Variants in HMGN3 observed in about 807,000 individuals in gnomAD.
The protein encoded by HMGN3 is high mobility group nucleosomal binding domain 3.
In HMGN3, 6 loss-of-function variants were observed where a neutral mutation model predicts 18.8. The observed-to-expected ratio is 0.32, with a 90% CI of 0.18 to 0.63. The LOEUF is 0.63. Among genes scored for constraint, HMGN3 ranks in the 30% least tolerant of loss-of-function variants. The pLI is 0.79. For synonymous variants in HMGN3, 40 were observed against 36.5 expected (o/e 1.10, Z -0.35); for missense variants, 107 against 114.2 (o/e 0.94, Z 0.29).
chr6:79,234,602 G>A, exon 1 of HMGN3: 1 of 1,606,404 alleles, frequency 6.2e-7, no homozygotes, highest in Non-Finnish European at 8.5e-7. Context: ...CAACGGACTG[G>A]AACTGCTGGC....
At chr6:79,222,229 T>C (rs1220407670) in intron 1 of HMGN3, among the ~76,000 whole-genome samples, 2 of 152,208 alleles carry the variant, frequency 1.3e-5, no homozygotes, top group African/African-American at 4.8e-5. Context: ...CTTTTTCTAA[T>C]TTGCTGGCCA....
chr6:79,233,348 A>G (rs927113478), intron 1 of HMGN3, among the ~76,000 whole-genome samples: 2 of 152,216 alleles, frequency 1.3e-5, no homozygotes, highest in African/African-American at 4.8e-5. Context: ...TTTCTACCCA[A>G]TTTTTAGTAA....
At chr6:79,222,214 A>G (rs1317114028) in intron 1 of HMGN3, among the ~76,000 whole-genome samples, 1 of 152,192 alleles carries the variant, frequency 6.6e-6, no homozygotes, top group Non-Finnish European at 1.5e-5. Context: ...TTACATTGAG[A>G]TAATCTTTTT....
chr6:79,216,627 C>T (rs1056996723), intron 1 of HMGN3, among the ~76,000 whole-genome samples: 1 of 152,190 alleles, frequency 6.6e-6, no homozygotes, highest in African/African-American at 2.4e-5. Flanking sequence ...GTGGAACCTT[C>T]TCAATTATGA....
At chr6:79,219,174 T>C (rs1052350585) in intron 1 of HMGN3, among the ~76,000 whole-genome samples, 1 of 152,168 alleles carries the variant, frequency 6.6e-6, no homozygotes, top group Non-Finnish European at 1.5e-5. Context: ...ACAGGACATA[T>C]TGTAATAAAA....
chr6:79,224,666 T>C (rs188543887), intron 1 of HMGN3, among the ~76,000 whole-genome samples: 1 of 152,316 alleles, frequency 6.6e-6, no homozygotes, highest in East Asian at 1.9e-4. Context: ...ATTTCTGAGA[T>C]AAACAGGGGC....
chr6:79,203,448 G>A, intron 4 of HMGN3, 132 bp downstream of exon 4: 2 of 809,352 alleles, frequency 2.5e-6, no homozygotes, highest in Non-Finnish European at 4.1e-6. Context: ...ATGCCTTTAA[G>A]CAAGCCCGTA....
intron 1 of HMGN3, among the ~76,000 whole-genome samples, chr6:79,233,346 C>CATTATTTAA (rs1221087172): frequency 1.3e-5 from 2 of 152,102 alleles, no homozygotes; most frequent in African/African-American, 4.8e-5. Context: ...AGTTTCTACC[C>CATTATTTAA]AATTTTTAGT....
chr6:79,227,659 T>C (rs937608041), intron 1 of HMGN3, among the ~76,000 whole-genome samples: 1 of 152,172 alleles, frequency 6.6e-6, no homozygotes, highest in Non-Finnish European at 1.5e-5. Context: ...AAACTGAGTC[T>C]TAGAGAATTA....
intron 1 of HMGN3, among the ~76,000 whole-genome samples, chr6:79,215,421 A>G (rs779861370): frequency 1.3e-5 from 2 of 152,260 alleles, no homozygotes; most frequent in Admixed American, 6.5e-5. Flanking sequence ...AGATAAGGGC[A>G]GGATGCTGGT....
rs781504616 is a variant in HMGN3 at position 79,208,498 on chromosome 6, G to C, written c.96+49C>G. The C allele has an allele frequency of 2.8e-6, 4 of 1,438,246 alleles. No individual in the cohort carries two copies. In the East Asian group the frequency reaches 9.1e-5, roughly 33 times the overall value. 89.1% of individuals were successfully genotyped at this position (1,438,246 alleles called of 1,614,324 possible). On this transcript the variant is annotated intron_variant, in intron 3 of 5. Transcript: ENST00000344726. ...TTTGCTGCTTCACTTTGGACAAAGGGAACATGTACTCATAAGAACTAACAC... is the reference window on the plus strand; with the variant it reads ...TTTGCTGCTTCACTTTGGACAAAGGCAACATGTACTCATAAGAACTAACAC...
chr6:79,224,789 T>C (rs955229366), intron 1 of HMGN3, among the ~76,000 whole-genome samples: 7 of 152,208 alleles, frequency 4.6e-5, no homozygotes, highest in Non-Finnish European at 1.0e-4. Context: ...CTCTGTATTG[T>C]TATAACAGGG....
chr6:79,234,629 G>C, exon 1 of HMGN3: 1 of 1,501,414 alleles, frequency 6.7e-7, no homozygotes, highest in Non-Finnish European at 9.3e-7. Context: ...GCTGGATGCT[G>C]CCTCTGCCTC....
chr6:79,227,388 T>A (rs1777614782), intron 1 of HMGN3, among the ~76,000 whole-genome samples: 1 of 152,200 alleles, frequency 6.6e-6, no homozygotes, highest in South Asian at 2.1e-4. Flanking sequence ...GAATTTGACA[T>A]CAGGGTGGGA....
intron 1 of HMGN3, among the ~76,000 whole-genome samples, chr6:79,224,046 T>C (rs1000295568): frequency 1.4e-4 from 21 of 152,326 alleles, no homozygotes; most frequent in Non-Finnish European, 1.6e-4. Context: ...ACTGCAATTA[T>C]GTGCAAGGCA....
chr6:79,232,799 C>T (rs1777916047), intron 1 of HMGN3, among the ~76,000 whole-genome samples: 1 of 152,132 alleles, frequency 6.6e-6, no homozygotes, highest in Admixed American at 6.5e-5. Flanking sequence ...AGATGGCCTC[C>T]AGCTCACTTA....
chr6:79,233,055 C>A (rs745849876), intron 1 of HMGN3, among the ~76,000 whole-genome samples: 1 of 152,202 alleles, frequency 6.6e-6, no homozygotes, highest in Admixed American at 6.5e-5. Context: ...TTCCTCTTGA[C>A]CCACCCTTTC....
chr6:79,203,045 C>T (rs534593092), intron 4 of HMGN3, among the ~76,000 whole-genome samples: 8 of 152,166 alleles, frequency 5.3e-5, no homozygotes, highest in Non-Finnish European at 1.2e-4. Flanking sequence ...TCAGTTTCCT[C>T]ATCTGCAAAA....
At chr6:79,202,521 G>A (rs149006072) in intron 4 of HMGN3, 132 bp from the exon 5 acceptor site, 218 of 730,740 alleles carry the variant, frequency 3.0e-4, no homozygotes, top group African/African-American at 2.3e-3. Context: ...ATGGAGACAC[G>A]GGAGCCTAAT....
Sources: allele counts gnomAD v4.1 joint callset (sites outside exome capture counted in the v4.1 genomes callset), GRCh38; gene constraint gnomAD v4.1.1; transcripts MANE v1.5; gene names NCBI Gene and HGNC (gene_info 2026-07-23, HGNC 2026-07-21).